Variants in ZNF438 observed in about 807,000 individuals in gnomAD.
The protein encoded by ZNF438 is zinc finger protein 438.
ZNF438 carries 25 observed loss-of-function variants against 38.0 expected under a neutral mutation model. That is an observed-to-expected ratio of 0.66 (90% CI 0.48 to 0.92). The LOEUF is 0.92. Among genes scored for constraint, ZNF438 ranks in the 40% least tolerant of loss-of-function variants. ZNF438 has a pLI of 0.00. For synonymous variants in ZNF438, 372 were observed against 364.1 expected (o/e 1.02, Z -0.25); for missense variants, 1,007 against 999.6 (o/e 1.01, Z -0.10).
At chr10:30,943,303 T>A (rs2047016019) in intron 1 of ZNF438, among the ~76,000 whole-genome samples, 1 of 152,022 alleles carries the variant, frequency 6.6e-6, no homozygotes, top group African/African-American at 2.4e-5. Context: ...AACATTTGTG[T>A]GTAAGGGAGT....
chr10:30,875,499 C>G (rs557433880), intron 4 of ZNF438: 1 of 985,278 alleles, frequency 1.0e-6, no homozygotes, highest in Non-Finnish European at 1.2e-6. Context: ...TCCTAAGCTT[C>G]TCCTTGCTTG....
chr10:30,964,138 C>CCACA (rs763545879), intron 1 of ZNF438, among the ~76,000 whole-genome samples: 24 of 152,258 alleles, frequency 1.6e-4, no homozygotes, highest in Non-Finnish European at 2.9e-4. Flanking sequence ...AAAGTTTCCA[C>CCACA]CACACACTTC....
At chr10:30,991,924 C>A (rs1456859031) in intron 1 of ZNF438, among the ~76,000 whole-genome samples, 1 of 152,178 alleles carries the variant, frequency 6.6e-6, no homozygotes, top group Non-Finnish European at 1.5e-5. Flanking sequence ...AGTGGCTGAA[C>A]AATAAGCTCT....
At chr10:31,015,031 G>A (rs1179402634) in intron 1 of ZNF438, among the ~76,000 whole-genome samples, 1 of 152,114 alleles carries the variant, frequency 6.6e-6, no homozygotes, top group African/African-American at 2.4e-5. Flanking sequence ...TTAATTAAAA[G>A]AAAACTTTTT....
chr10:30,887,152 A>G (rs1278243392), intron 3 of ZNF438, among the ~76,000 whole-genome samples: 1 of 152,202 alleles, frequency 6.6e-6, no homozygotes, highest in Admixed American at 6.5e-5. Flanking sequence ...AAATCACTGG[A>G]GTGAGATGGA....
At chr10:30,948,581 G>A (rs932673604) in intron 1 of ZNF438, among the ~76,000 whole-genome samples, 8 of 150,640 alleles carry the variant, frequency 5.3e-5, no homozygotes, top group Non-Finnish European at 1.5e-5. Context: ...GAAAACCAAG[G>A]CTCGAGAACT....
intron 4 of ZNF438, among the ~76,000 whole-genome samples, chr10:30,864,207 G>A (rs1024689388): frequency 1.3e-5 from 2 of 152,168 alleles, no homozygotes; most frequent in Non-Finnish European, 2.9e-5. Flanking sequence ...CTGTGATGGG[G>A]GAAAGGAGAA....
At chr10:30,885,261 T>C (rs3006595) in intron 3 of ZNF438, among the ~76,000 whole-genome samples, 19,748 of 152,258 alleles carry the variant, frequency 0.13, 1,625 homozygotes, top group Middle Eastern at 0.25. Flanking sequence ...GTTACTAACC[T>C]ACTTTGATTG....
At chr10:30,948,793 T>C (rs2047775786) in intron 1 of ZNF438, among the ~76,000 whole-genome samples, 1 of 150,796 alleles carries the variant, frequency 6.6e-6, no homozygotes, top group Non-Finnish European at 1.5e-5. Context: ...CTGAAAGTGA[T>C]GGGGAGAATG....
chr10:30,979,128 G>A (rs1345221934), intron 1 of ZNF438, among the ~76,000 whole-genome samples: 1 of 152,162 alleles, frequency 6.6e-6, no homozygotes, highest in African/African-American at 2.4e-5. Flanking sequence ...ACTGTTCAGA[G>A]AAAAAGATTC....
chr10:30,940,048 T>A (rs2046653257), intron 2 of ZNF438, among the ~76,000 whole-genome samples: 1 of 152,238 alleles, frequency 6.6e-6, no homozygotes, highest in South Asian at 2.1e-4. Context: ...AGGTCAGTAT[T>A]TTCCTAGGAG....
intron 3 of ZNF438, among the ~76,000 whole-genome samples, chr10:30,901,543 G>A (rs1228148500): frequency 6.6e-6 from 1 of 152,090 alleles, no homozygotes; most frequent in Non-Finnish European, 1.5e-5. Flanking sequence ...ACAGGTGCCC[G>A]GTATTTGGCC....
intron 3 of ZNF438, among the ~76,000 whole-genome samples, chr10:30,907,234 C>A (rs1214278100): frequency 6.6e-6 from 1 of 152,170 alleles, no homozygotes; most frequent in Non-Finnish European, 1.5e-5. Flanking sequence ...CTTAGCCTCC[C>A]AAAGTGCTGG....
At chr10:30,953,539 C>T (rs1321241017) in intron 1 of ZNF438, among the ~76,000 whole-genome samples, 1 of 150,724 alleles carries the variant, frequency 6.6e-6, no homozygotes, top group Admixed American at 6.6e-5. Context: ...ATAATACTAG[C>T]AGTATTGAGA....
chr10:30,877,040 T>G (rs1241861314), exon 4 of ZNF438: 5 of 1,603,760 alleles, frequency 3.1e-6, no homozygotes, highest in Non-Finnish European at 4.3e-6. Context: ...TGCATTATGA[T>G]GTACTGGACT....
At chr10:30,879,063 C>T (rs1355754347) in intron 3 of ZNF438, among the ~76,000 whole-genome samples, 1 of 152,152 alleles carries the variant, frequency 6.6e-6, no homozygotes, top group Non-Finnish European at 1.5e-5. Flanking sequence ...TACACACAGA[C>T]ACAGCACAAC....
intron 4 of ZNF438, among the ~76,000 whole-genome samples, chr10:30,863,494 T>G (rs2035919734): frequency 6.6e-6 from 1 of 152,192 alleles, no homozygotes; most frequent in Non-Finnish European, 1.5e-5. Context: ...TGGTGACTAC[T>G]TTGGATTCCT....
chr10:31,022,098 C>T (rs1371271748), intron 1 of ZNF438, among the ~76,000 whole-genome samples: 1 of 152,090 alleles, frequency 6.6e-6, no homozygotes, highest in Non-Finnish European at 1.5e-5. Flanking sequence ...CGGATTGTGA[C>T]GTGTGACAAA....
At chr10:30,956,326 G>A (rs1275944767) in intron 1 of ZNF438, among the ~76,000 whole-genome samples, 1 of 152,140 alleles carries the variant, frequency 6.6e-6, no homozygotes, top group Non-Finnish European at 1.5e-5. Flanking sequence ...TGACCAAACT[G>A]ACATCTTTTT....
Sources: gnomAD v4.1 joint callset for allele counts (sites outside exome capture counted in the v4.1 genomes callset) on GRCh38, gnomAD v4.1.1 for gene constraint, MANE v1.5 for transcripts, NCBI Gene and HGNC (gene_info 2026-07-23, HGNC 2026-07-21) for gene names.